OTUD7A: variants seen among roughly 807,000 people sequenced by gnomAD.
OTUD7A encodes the protein OTU domain-containing protein 7A.
OTUD7A carries 12 observed loss-of-function variants against 65.7 expected under a neutral mutation model. That is an observed-to-expected ratio of 0.18 (90% CI 0.12 to 0.30). The LOEUF is 0.30. OTUD7A is among the 10% of genes least tolerant of loss of function. The pLI is 1.00. For synonymous variants in OTUD7A, 641 were observed against 586.3 expected, an observed-to-expected ratio of 1.09 and a Z score of -1.35; for missense variants, 1,148 against 1,304.8, an observed-to-expected ratio of 0.88 and a Z score of 1.85.
At chr15:31,800,575 G>C (rs904138263) in intron 1 of OTUD7A, among the ~76,000 whole-genome samples, 3 of 152,094 alleles carry the variant, frequency 2.0e-5, no homozygotes, top group African/African-American at 7.2e-5. Flanking sequence ...TACTGTGGTG[G>C]GTGTCCCCTG....
chr15:31,617,331 A>T (rs1890621511), intron 3 of OTUD7A, among the ~76,000 whole-genome samples: 1 of 152,156 alleles, frequency 6.6e-6, no homozygotes, highest in Non-Finnish European at 1.5e-5. Flanking sequence ...TACTAAAAAT[A>T]CAAAAATTAG....
rs1036744359 is a variant in OTUD7A, at chr15:31,479,925, T to C, written c.*3369A>G. ...TAATTTAGTGAATACAAAGTATTCA[T>C]TTAAGAGGAAAGGTGCAGTACCAAA... On this transcript the variant is annotated 3_prime_UTR_variant, in exon 13 of 13. Coordinates refer to ENST00000307050, the MANE Select transcript of OTUD7A (RefSeq NM_001382637.1). 1 of 152,162 alleles carries C rather than the reference T, an allele frequency of 6.6e-6. No homozygotes were observed. Among genetic ancestry groups the C allele is most frequent in the African/African-American group, 2.4e-5 (1 of 41,434 alleles). The allele number at this position is 152,162 out of a possible 1,614,324, so 9.4% of individuals were successfully genotyped here.
intron 10 of OTUD7A, among the ~76,000 whole-genome samples, chr15:31,496,394 T>C (rs1190905654): frequency 3.3e-5 from 5 of 152,070 alleles, no homozygotes; most frequent in Non-Finnish European, 7.4e-5. Flanking sequence ...GTTAATTTTT[T>C]GTATTTTTTA....
chr15:31,837,255 G>A (rs900998492), intron 1 of OTUD7A, among the ~76,000 whole-genome samples: 8 of 152,002 alleles, frequency 5.3e-5, no homozygotes, highest in Admixed American at 2.6e-4. Context: ...TGGGCCAGGT[G>A]CAGTGGCTCA....
chr15:31,786,188 A>G (rs1895670426), intron 1 of OTUD7A, among the ~76,000 whole-genome samples: 1 of 152,182 alleles, frequency 6.6e-6, no homozygotes, highest in Admixed American at 6.5e-5. Flanking sequence ...TGGACTTCTC[A>G]GCCTCCATAA....
chr15:31,520,455 G>T (rs558716328), intron 8 of OTUD7A, among the ~76,000 whole-genome samples: 1 of 152,268 alleles, frequency 6.6e-6, no homozygotes, highest in South Asian at 2.1e-4. Flanking sequence ...ATATGCAGAA[G>T]AATGAGATTG....
At position 31,582,128 on chromosome 15, in the gene OTUD7A, C is replaced by T. The variant is rs548045236; in HGVS notation, c.152-11931G>A. ...CAAACTTCCACAAATCTCTAGTGCACGGGCAAAAAGCTACCAGTCTCTGCT... is the reference window on the plus strand; with the variant it reads ...CAAACTTCCACAAATCTCTAGTGCATGGGCAAAAAGCTACCAGTCTCTGCT... On this transcript the variant is annotated intron_variant, in intron 3 of 12. Transcript: ENST00000307050. Among the ~76,000 whole-genome samples the T allele has an allele frequency of 3.6e-4, 55 of 152,260 alleles. 1 individual carries two copies. Among genetic ancestry groups the T allele is most frequent in the Admixed American group, 2.0e-3 (31 of 15,296 alleles).
At chr15:31,643,419 T>C (rs1416535148) in intron 3 of OTUD7A, among the ~76,000 whole-genome samples, 1 of 152,262 alleles carries the variant, frequency 6.6e-6, no homozygotes, top group East Asian at 1.9e-4. Context: ...TTAATTCCAC[T>C]GAGTTACTTT....
chr15:31,777,153 A>T (rs1309360171), intron 1 of OTUD7A, among the ~76,000 whole-genome samples: 2 of 152,100 alleles, frequency 1.3e-5, no homozygotes, highest in Non-Finnish European at 2.9e-5. Context: ...AAGTCTGAAC[A>T]GGGCCCTGCT....
Position 31,487,605 on chromosome 15 carries a change from C to A in OTUD7A, c.1172-39G>T. ...GACAGAGCCGTGCTTGGAGCCCCGG[C>A]AGTCCCCAGGCAGGATGGCAAGGAA... On this transcript the variant is annotated intron_variant, in intron 10 of 12. Transcript: ENST00000307050. This position sits in a 1 kb window ranked among gnomAD's most constrained non-coding sequence, Gnocchi z 6.0. 2.6e-6 allele frequency: 4 copies of A among 1,557,336 alleles called. No homozygotes were observed. The highest frequency in any genetic ancestry group is 2.7e-5 in the African/African-American group (2 of 73,276).
intron 1 of OTUD7A, among the ~76,000 whole-genome samples, chr15:31,672,868 T>A (rs1315637434): frequency 3.3e-5 from 5 of 152,240 alleles, no homozygotes; most frequent in African/African-American, 1.2e-4. Context: ...TATTTGGGAA[T>A]AGCAGTAAGT....
intron 3 of OTUD7A, among the ~76,000 whole-genome samples, chr15:31,640,600 A>AT (rs1434259686): frequency 6.6e-6 from 1 of 152,116 alleles, no homozygotes; most frequent in Non-Finnish European, 1.5e-5. Context: ...TGAAAAGATT[A>AT]TTTTTTGCAC....
Position 31,728,792 on chromosome 15 carries a change from T to A in OTUD7A, c.-99-71715A>T, listed in dbSNP as rs75065914. 8.2e-3 allele frequency among the ~76,000 whole-genome samples: 1,247 copies of A among 152,356 alleles called. 17 individuals are homozygous for A. The highest frequency in any genetic ancestry group is 0.029 in the African/African-American group (1,190 of 41,582). ...TTCACATTCATTGCAACTATGTGCA[T>A]GTGTGTGTTACTAGCTTATCTTTTA... On this transcript the variant is annotated intron_variant, in intron 1 of 12. Transcript: ENST00000307050.
At chr15:31,841,038 A>G (rs2140993861) in intron 1 of OTUD7A, among the ~76,000 whole-genome samples, 1 of 152,322 alleles carries the variant, frequency 6.6e-6, no homozygotes, top group East Asian at 1.9e-4. Context: ...TCTGCCAAGC[A>G]ACAGAAGAGC....
intron 1 of OTUD7A, among the ~76,000 whole-genome samples, chr15:31,827,330 G>A (rs547290987): frequency 7.2e-5 from 11 of 152,294 alleles, no homozygotes; most frequent in South Asian, 4.1e-4. Flanking sequence ...TGACGAAGAC[G>A]CAAAAGCAGA....
At chr15:31,861,706 C>T (rs1055707079) in intron 1 of OTUD7A, among the ~76,000 whole-genome samples, 1 of 152,136 alleles carries the variant, frequency 6.6e-6, no homozygotes, top group African/African-American at 2.4e-5. Context: ...CCCATCCTGG[C>T]AATTCTAGGA....
At chr15:31,552,714 T>C (rs1318733) in intron 5 of OTUD7A, among the ~76,000 whole-genome samples, 32,472 of 152,218 alleles carry the variant, frequency 0.21, 3,619 homozygotes, top group African/African-American at 0.26. Context: ...CCAGGCCCTA[T>C]GCCCAGGGTT....
rs1276591678 is a variant in OTUD7A, at chr15:31,859,688, G to C, written c.-100+10819C>G. Among the ~76,000 whole-genome samples the C allele has an allele frequency of 2.6e-5, 4 of 152,214 alleles. No individual in the cohort carries two copies. In the East Asian group the frequency reaches 7.7e-4, roughly 29 times the overall value. The stretch of plus-strand genomic sequence containing the variant: ...TTGAAGCTAGTGGTTCTCAAACCCA[G>C]AATCAATAGGGGCTTTTATAAAAGT... On this transcript the variant is annotated intron_variant, in intron 1 of 12. Coordinates refer to ENST00000307050, the MANE Select transcript of OTUD7A (RefSeq NM_001382637.1).
intron 1 of OTUD7A, chr15:31,765,992 A>C (rs925457390): frequency 7.8e-6 from 12 of 1,538,158 alleles, no homozygotes; most frequent in Non-Finnish European, 1.1e-5. Flanking sequence ...TTTGCTCATC[A>C]AACTCCTGAG....
Sources: gnomAD v4.1 joint callset for allele counts (sites outside exome capture counted in the v4.1 genomes callset) on GRCh38, gnomAD v4.1.1 for gene constraint, Gnocchi (gnomAD v3.1) non-coding constraint, MANE v1.5 for transcripts, NCBI Gene and HGNC (gene_info 2026-07-23, HGNC 2026-07-21) for gene names.